Variants in OTUD7A observed in about 807,000 individuals in gnomAD.
OTUD7A encodes OTU domain-containing protein 7A.
In OTUD7A, 12 loss-of-function variants were observed where a neutral mutation model predicts 65.7. That is an observed-to-expected ratio of 0.18 (90% CI 0.12 to 0.30). OTUD7A has a LOEUF of 0.30. OTUD7A is among the 10% of genes least tolerant of loss of function. The pLI, the probability that OTUD7A is intolerant of heterozygous loss-of-function variation, is 1.00. For synonymous variants in OTUD7A, 641 were observed against 586.3 expected (o/e 1.09, Z -1.35); for missense variants, 1,148 against 1,304.8 (o/e 0.88, Z 1.85).
At chr15:31,527,573 T>C (rs1317463197) in intron 6 of OTUD7A, among the ~76,000 whole-genome samples, 1 of 152,248 alleles carries the variant, frequency 6.6e-6, no homozygotes, top group African/African-American at 2.4e-5. Flanking sequence ...CTGGTGCCCT[T>C]GGCAACCCAT....
At chr15:31,564,205 G>A (rs1888789338) in intron 4 of OTUD7A, among the ~76,000 whole-genome samples, 1 of 152,150 alleles carries the variant, frequency 6.6e-6, no homozygotes. Context: ...GAAGACATGA[G>A]AACAAGGTGC....
chr15:31,852,119 A>C (rs1363066065), intron 1 of OTUD7A, among the ~76,000 whole-genome samples: 2 of 152,216 alleles, frequency 1.3e-5, no homozygotes, highest in African/African-American at 4.8e-5. Flanking sequence ...GGCCTCCCAA[A>C]GTGCTGGGAT....
At chr15:31,780,775 A>T (rs1428719639) in intron 1 of OTUD7A, among the ~76,000 whole-genome samples, 1 of 152,234 alleles carries the variant, frequency 6.6e-6, no homozygotes, top group Non-Finnish European at 1.5e-5. Flanking sequence ...TTGCTTGCCA[A>T]GTACATCTCT....
chr15:31,676,956 A>G (rs970466757), intron 1 of OTUD7A, among the ~76,000 whole-genome samples: 3 of 152,220 alleles, frequency 2.0e-5, no homozygotes, highest in Non-Finnish European at 4.4e-5. Flanking sequence ...TGCGGTAATA[A>G]AGTGTGCTGG....
intron 1 of OTUD7A, among the ~76,000 whole-genome samples, chr15:31,794,220 T>C (rs1385725535): frequency 6.6e-6 from 1 of 152,202 alleles, no homozygotes; most frequent in Non-Finnish European, 1.5e-5. Context: ...GTCACACAAA[T>C]ATCTGTCTCT....
chr15:31,782,563 G>A (rs1000240459), intron 1 of OTUD7A, among the ~76,000 whole-genome samples: 2 of 152,194 alleles, frequency 1.3e-5, no homozygotes, highest in Non-Finnish European at 2.9e-5. Context: ...CCAGGGGCAC[G>A]GGAGATGATG....
intron 1 of OTUD7A, among the ~76,000 whole-genome samples, chr15:31,844,930 A>G (rs1897262921): frequency 6.6e-6 from 1 of 152,076 alleles, no homozygotes; most frequent in South Asian, 2.1e-4. Flanking sequence ...TGTGAGCTGG[A>G]GACATGGCTA....
chr15:31,532,510 G>A (rs1036303289), intron 5 of OTUD7A, among the ~76,000 whole-genome samples: 1 of 146,756 alleles, frequency 6.8e-6, no homozygotes, highest in African/African-American at 2.5e-5. Context: ...CACCCAATTT[G>A]AACAACAGAG....
Position 31,483,513 on chromosome 15 carries a change from G to A in OTUD7A, c.2583C>T (p.Gly861=), listed in dbSNP as rs1034131329. The A allele has an allele frequency of 1.4e-6, 2 of 1,395,880 alleles. No individual in the cohort carries two copies. Among genetic ancestry groups the A allele is most frequent in the African/African-American group, 1.5e-5 (1 of 65,300 alleles). The allele number at this position is 1,395,880 out of a possible 1,614,324, so 86.5% of individuals were successfully genotyped here. The change falls in exon 13 of 13, where the codon GGC becomes GGT. Residue 861 remains glycine, a synonymous_variant. Coordinates refer to ENST00000307050, the MANE Select transcript of OTUD7A (RefSeq NM_001382637.1). ...AEHKSQTYTN[G]FGALRDGLEF... is the part of the protein sequence containing the mutation. ...CCAGGCCGTCGCGCAGGGCGCCGAAGCCGTTGGTGTAGGTCTGCGACTTGT... is the reference window on the plus strand; with the variant it reads ...CCAGGCCGTCGCGCAGGGCGCCGAAACCGTTGGTGTAGGTCTGCGACTTGT...
intron 3 of OTUD7A, among the ~76,000 whole-genome samples, chr15:31,586,829 C>T (rs954434552): frequency 5.3e-5 from 8 of 151,996 alleles, no homozygotes; most frequent in African/African-American, 9.7e-5. Context: ...CCTTGGCTTG[C>T]CCCCTCTCCA....
At chr15:31,499,108 A>C (rs1305338509) in intron 10 of OTUD7A, among the ~76,000 whole-genome samples, 1 of 152,200 alleles carries the variant, frequency 6.6e-6, no homozygotes, top group Non-Finnish European at 1.5e-5. Context: ...TGTGGATGAG[A>C]CATGATGGGG....
chr15:31,605,881 G>C (rs1018029904), intron 3 of OTUD7A, among the ~76,000 whole-genome samples: 3 of 152,174 alleles, frequency 2.0e-5, no homozygotes, highest in Non-Finnish European at 4.4e-5. Flanking sequence ...CGTGGACAGG[G>C]AGTGACAAAG....
intron 1 of OTUD7A, among the ~76,000 whole-genome samples, chr15:31,733,197 C>G (rs568726373): frequency 1.3e-5 from 2 of 152,272 alleles, no homozygotes; most frequent in East Asian, 3.9e-4. Flanking sequence ...TGAGGGTGAA[C>G]TGAGACAAAC....
intron 5 of OTUD7A, chr15:31,558,698 G>C: frequency 1.9e-6 from 1 of 532,202 alleles, no homozygotes; most frequent in South Asian, 2.8e-5. Flanking sequence ...GAAGCATAGA[G>C]TTCTCCTTAA....
intron 3 of OTUD7A, among the ~76,000 whole-genome samples, chr15:31,627,327 G>C (rs1036516177): frequency 6.9e-6 from 1 of 145,696 alleles, no homozygotes; most frequent in African/African-American, 2.5e-5. Context: ...ACCTATGAGT[G>C]AGAACATGCA....
intron 1 of OTUD7A, among the ~76,000 whole-genome samples, chr15:31,847,314 G>C (rs767746310): frequency 8.5e-5 from 13 of 152,208 alleles, no homozygotes; most frequent in Non-Finnish European, 1.6e-4. Context: ...ATACTGAGTT[G>C]GTTGTGAGTA....
At chr15:31,620,553 G>A (rs1890747069) in intron 3 of OTUD7A, among the ~76,000 whole-genome samples, 1 of 150,458 alleles carries the variant, frequency 6.6e-6, no homozygotes, top group South Asian at 2.1e-4. Context: ...GTTTATTTGT[G>A]TAGAGGTGTT....
chr15:31,748,364 T>C (rs1229143155), intron 1 of OTUD7A, among the ~76,000 whole-genome samples: 1 of 151,698 alleles, frequency 6.6e-6, no homozygotes, highest in East Asian at 1.9e-4. Context: ...TTCATAAATA[T>C]GCACATGTGC....
rs1478950630 is a variant in OTUD7A at position 31,505,331 on chromosome 15, G to C, written c.894-1513C>G. ...ACAGGATGTGACTTACTGCTTTCTT[G>C]GACTAGTATAAGTATGCTAGGGCAA... On this transcript the variant is annotated intron_variant, in intron 8 of 12. Coordinates refer to ENST00000307050, the MANE Select transcript of OTUD7A (RefSeq NM_001382637.1). Among the ~76,000 whole-genome samples the C allele has an allele frequency of 2.0e-5, 3 of 152,302 alleles. No homozygotes were observed. The East Asian group carries it at 5.8e-4, about 29-fold the overall frequency.
Sources: gnomAD v4.1 joint callset for allele counts (sites outside exome capture counted in the v4.1 genomes callset) on GRCh38, gnomAD v4.1.1 for gene constraint, MANE v1.5 for transcripts, NCBI Gene and HGNC (gene_info 2026-07-23, HGNC 2026-07-21) for gene names.